ATG4C: variants seen among roughly 807,000 people sequenced by gnomAD.
ATG4C encodes cysteine protease ATG4C.
Under a neutral mutation model 57.6 loss-of-function variants are expected in ATG4C, and 56 were observed. The ratio of observed to expected loss-of-function variants is 0.97; its 90% CI spans 0.78 to 1.21. ATG4C has a LOEUF of 1.21. ATG4C is among the 50% of genes most tolerant of loss of function. ATG4C has a pLI of 0.00. For missense variants in ATG4C, 595 were observed against 529.8 expected (o/e 1.12, Z -1.21); for synonymous variants, 157 against 174.1 (o/e 0.90, Z 0.78).
intron 10 of ATG4C, among the ~76,000 whole-genome samples, chr1:62,844,037 A>G (rs1384650166): frequency 6.6e-6 from 1 of 152,194 alleles, no homozygotes; most frequent in Non-Finnish European, 1.5e-5. Flanking sequence ...AGGTTACTTC[A>G]AGCTGAGGAA....
chr1:62,845,081 G>C (rs940887143), intron 10 of ATG4C, among the ~76,000 whole-genome samples: 1 of 151,060 alleles, frequency 6.6e-6, no homozygotes. Flanking sequence ...ATATCTCTTT[G>C]TGCATATATA....
intron 10 of ATG4C, among the ~76,000 whole-genome samples, chr1:62,842,467 A>T (rs1255092232): frequency 4.6e-5 from 7 of 151,864 alleles, no homozygotes; most frequent in Non-Finnish European, 7.4e-5. Flanking sequence ...ATGCCTGGCT[A>T]ATTTTGTAAT....
At chr1:62,857,450 C>A (rs1666720529) in intron 10 of ATG4C, among the ~76,000 whole-genome samples, 1 of 152,138 alleles carries the variant, frequency 6.6e-6, no homozygotes, top group African/African-American at 2.4e-5. Flanking sequence ...TCAGGGCTCC[C>A]ATTGATTCTA....
At chr1:62,835,394 G>T in intron 9 of ATG4C, 1 of 352,498 alleles carries the variant, frequency 2.8e-6, no homozygotes, top group South Asian at 2.4e-5. Context: ...AGGTCATTTT[G>T]TGATCCAGTA....
chr1:62,787,661 G>A (rs1664136143), intron 1 of ATG4C, among the ~76,000 whole-genome samples: 2 of 151,798 alleles, frequency 1.3e-5, no homozygotes, highest in Non-Finnish European at 1.5e-5. Flanking sequence ...TGGATTCATG[G>A]TCTCTATTTG....
rs141440925 is a variant in ATG4C, at chr1:62,817,003, A to T, written c.394+195A>T. ...CTGGGTCAGATATGACTTATATGTA[A>T]ACTTCCCTGATTCCCTTTTCAAAAA... On this transcript the variant is annotated intron_variant, in intron 4 of 10. Transcript: ENST00000317868. Among the ~76,000 whole-genome samples the T allele has an allele frequency of 1.1e-3, 165 of 152,222 alleles. 1 individual carries two copies. In the East Asian group the frequency reaches 0.026, roughly 24 times the overall value.
At chr1:62,832,164 C>G (rs562551900) in intron 7 of ATG4C, among the ~76,000 whole-genome samples, 1 of 147,238 alleles carries the variant, frequency 6.8e-6, no homozygotes, top group East Asian at 2.0e-4. Flanking sequence ...TTAGTTAGCT[C>G]TAAGATTTTA....
At chr1:62,835,035 T>G (rs1022369950) in intron 9 of ATG4C, among the ~76,000 whole-genome samples, 183 bp downstream of exon 9, 1 of 151,966 alleles carries the variant, frequency 6.6e-6, no homozygotes, top group Non-Finnish European at 1.5e-5. Context: ...TTGCTGAATT[T>G]TAATTTATGA....
In ATG4C at chr1:62,784,279, G is replaced by A. The variant is rs1446306449; in HGVS notation, c.-69+6G>A. On this transcript the variant is annotated splice_donor_region_variant and intron_variant, in intron 1 of 10. Coordinates refer to ENST00000317868, the MANE Select transcript of ATG4C (RefSeq NM_032852.4). ...TCTCCAGTCCTTCTCTTTCGGTGAG[G>A]GATCGGCTTGAGGCTAAAGGAGTCA... 1 of 152,434 alleles carries A rather than the reference G, an allele frequency of 6.6e-6. No individual in the cohort carries two copies. The highest frequency in any genetic ancestry group is 6.5e-5 in the Admixed American group (1 of 15,272). 9.4% of individuals were successfully genotyped at this position (152,434 alleles called of 1,614,324 possible). A position where few individuals can be genotyped will look rare whatever the true frequency, so the allele number is the denominator to read the frequency against.
Position 62,864,032 on chromosome 1 carries a change from C to A in ATG4C, c.1250C>A (p.Thr417Asn). ...TCTAAGGAGAAATATCCCTTATTTA[C>A]TTTTGTAAATGGTCATTCCAGAGAC... ...FSSKEKYPLF[T>N]FVNGHSRDYD... Residue 417 changes from threonine to asparagine, a missense_variant, in exon 11 of 11, where the codon ACT becomes AAT. Thr to Asn is a moderately conservative substitution (Grantham distance 65). Transcript: ENST00000317868. The A allele has an allele frequency of 1.3e-6, 2 of 1,586,166 alleles. No individual in the cohort carries two copies. Among genetic ancestry groups the A allele is most frequent in the Admixed American group, 1.9e-5 (1 of 51,632 alleles).
intron 10 of ATG4C, among the ~76,000 whole-genome samples, chr1:62,857,928 G>C (rs1353197021): frequency 6.6e-6 from 1 of 152,152 alleles, no homozygotes; most frequent in Non-Finnish European, 1.5e-5. Context: ...GTGTGTGCTG[G>C]AAGTTTCTGG....
intron 1 of ATG4C, among the ~76,000 whole-genome samples, chr1:62,791,813 C>T (rs959776132): frequency 3.9e-5 from 6 of 152,132 alleles, no homozygotes; most frequent in Non-Finnish European, 7.4e-5. Flanking sequence ...ACTGAATTTC[C>T]TATCTTCACC....
At chr1:62,825,347 A>G (rs111367918) in intron 6 of ATG4C, among the ~76,000 whole-genome samples, 2,517 of 152,030 alleles carry the variant, frequency 0.017, 62 homozygotes, top group African/African-American at 0.058. Flanking sequence ...ATATCACACA[A>G]TCTATCAGTA....
rs778993850 is a variant in ATG4C, at chr1:62,819,482, G to A, written c.725+147G>A. ...AAAGACGCTTTCATTTGCCAGCAGG[G>A]AAAAAAGAAGACATATTGCGACTCT... is the stretch of plus-strand genomic sequence containing the variant. On this transcript the variant is annotated intron_variant, in intron 5 of 10. Transcript: ENST00000317868. The A allele has an allele frequency of 6.4e-5, 39 of 611,936 alleles. 1 individual carries two copies. Among genetic ancestry groups the A allele is most frequent in the Non-Finnish European group, 8.6e-5 (34 of 394,600 alleles). The allele number at this position is 611,936 out of a possible 1,614,324, so 37.9% of individuals were successfully genotyped here.
intron 10 of ATG4C, among the ~76,000 whole-genome samples, chr1:62,856,942 C>T (rs563371994): frequency 2.1e-4 from 32 of 152,178 alleles, no homozygotes; most frequent in South Asian, 4.2e-4. Flanking sequence ...TGATCTGGCC[C>T]TTGTGTACCA....
chr1:62,785,538 G>A (rs1664054551), intron 1 of ATG4C, among the ~76,000 whole-genome samples: 1 of 152,154 alleles, frequency 6.6e-6, no homozygotes, highest in African/African-American at 2.4e-5. Context: ...AGTATTTCTA[G>A]ATGTTTTGAT....
At chr1:62,796,546 A>G (rs1334489086) in intron 1 of ATG4C, among the ~76,000 whole-genome samples, 1 of 152,166 alleles carries the variant, frequency 6.6e-6, no homozygotes, top group Non-Finnish European at 1.5e-5. Flanking sequence ...GAGAAAAAAA[A>G]TGTCTCAGCA....
intron 7 of ATG4C, among the ~76,000 whole-genome samples, chr1:62,831,573 A>C (rs1665840640): frequency 6.6e-6 from 1 of 152,072 alleles, no homozygotes; most frequent in African/African-American, 2.4e-5. Flanking sequence ...ATTTTTAAGG[A>C]CCTGGAATGA....
At chr1:62,833,336 T>C (rs1665899850) in intron 7 of ATG4C, among the ~76,000 whole-genome samples, 1 of 152,276 alleles carries the variant, frequency 6.6e-6, no homozygotes, top group Admixed American at 6.5e-5. Context: ...ACTTACTCAA[T>C]TGGACATGTT....
Sources: allele counts gnomAD v4.1 joint callset (sites outside exome capture counted in the v4.1 genomes callset), GRCh38; gene constraint gnomAD v4.1.1; transcripts MANE v1.5; gene names NCBI Gene and HGNC (gene_info 2026-07-23, HGNC 2026-07-21).